The following WWOX variants were observed in gnomAD, a reference collection of about 807,000 sequenced individuals.
The protein encoded by WWOX is WW domain-containing oxidoreductase.
A neutral mutation model predicts 46.2 loss-of-function variants in WWOX; 69 were observed. The observed-to-expected ratio is 1.49, with a 90% confidence interval of 1.23 to 1.82. The LOEUF (loss-of-function observed/expected upper bound fraction) is 1.82. Ranked by LOEUF, WWOX falls within the 40% of genes most tolerant of loss-of-function variation. The pLI is 0.00. For missense variants in WWOX, 919 were observed against 542.6 expected (o/e 1.69, Z -6.89); for synonymous variants, 359 against 202.6 (o/e 1.77, Z -6.56).
chr16:78,890,417 C>G (rs2044564677), intron 8 of WWOX: 1 of 149,012 alleles, frequency 6.7e-6, no homozygotes, highest in African/African-American at 2.6e-5. Context: ...TAATGGACAT[C>G]CCTCCCACCC....
intron 8 of WWOX, among the ~76,000 whole-genome samples, chr16:78,615,035 A>C (rs995635773): frequency 6.6e-6 from 1 of 152,180 alleles, no homozygotes; most frequent in Non-Finnish European, 1.5e-5. Context: ...AGGTAGGGCT[A>C]ATGCATTGTC....
intron 8 of WWOX, among the ~76,000 whole-genome samples, chr16:78,504,265 G>A (rs2085138999): frequency 6.6e-6 from 1 of 152,188 alleles, no homozygotes; most frequent in South Asian, 2.1e-4. Flanking sequence ...AGTCTAGAGG[G>A]TAAAGTATCC....
intron 5 of WWOX, among the ~76,000 whole-genome samples, chr16:78,310,650 T>A (rs924435340): frequency 7.2e-5 from 11 of 152,208 alleles, no homozygotes; most frequent in South Asian, 2.1e-4. Flanking sequence ...GTCAGCACAT[T>A]TGGCATCTCT....
At chr16:78,324,893 C>T (rs987807728) in intron 5 of WWOX, among the ~76,000 whole-genome samples, 1 of 152,104 alleles carries the variant, frequency 6.6e-6, no homozygotes, top group Non-Finnish European at 1.5e-5. Flanking sequence ...TTGAATTATA[C>T]AATTTTAAAT....
chr16:78,524,646 C>A (rs953268196), intron 8 of WWOX, among the ~76,000 whole-genome samples: 1 of 151,742 alleles, frequency 6.6e-6, no homozygotes, highest in Non-Finnish European at 1.5e-5. Context: ...GTCTCAAACT[C>A]CTGACCTCGT....
intron 8 of WWOX, among the ~76,000 whole-genome samples, chr16:79,148,235 T>G (rs1392585670): frequency 6.6e-6 from 1 of 152,216 alleles, no homozygotes; most frequent in Non-Finnish European, 1.5e-5. Flanking sequence ...TGATAAATTT[T>G]GAGTTAATTT....
chr16:79,116,559 G>C (rs933516673), intron 8 of WWOX, among the ~76,000 whole-genome samples: 1 of 152,124 alleles, frequency 6.6e-6, no homozygotes, highest in Admixed American at 6.6e-5. Flanking sequence ...ATCCATTCAA[G>C]TTTTCTCATG....
At chr16:78,859,049 T>TAAAAAAA (rs1491137000) in intron 8 of WWOX, among the ~76,000 whole-genome samples, 1 of 20,270 alleles carries the variant, frequency 4.9e-5, no homozygotes, top group East Asian at 6.9e-4. Context: ...TATATATATA[T>TAAAAAAA]GTATATATAT....
intron 4 of WWOX, among the ~76,000 whole-genome samples, chr16:78,127,249 T>C (rs1051525656): frequency 1.3e-5 from 2 of 152,100 alleles, no homozygotes; most frequent in African/African-American, 4.8e-5. Context: ...AATTGTCTAC[T>C]CATCATTGCA....
At chr16:78,184,130 C>T (rs756742918) in intron 5 of WWOX, among the ~76,000 whole-genome samples, 1 of 152,106 alleles carries the variant, frequency 6.6e-6, no homozygotes, top group Non-Finnish European at 1.5e-5. Flanking sequence ...ATCAGAAGGT[C>T]CTCAGCAGCC....
intron 8 of WWOX, among the ~76,000 whole-genome samples, chr16:78,650,488 G>C (rs1567463949): frequency 6.6e-6 from 1 of 152,136 alleles, no homozygotes; most frequent in Non-Finnish European, 1.5e-5. Flanking sequence ...TGCAATGCTT[G>C]AGATTTGCCC....
intron 8 of WWOX, among the ~76,000 whole-genome samples, chr16:78,818,489 G>A (rs1485182882): frequency 4.6e-5 from 7 of 152,188 alleles, no homozygotes; most frequent in African/African-American, 1.7e-4. Flanking sequence ...CCAGCACTTC[G>A]GGAGGCCACG....
intron 5 of WWOX, among the ~76,000 whole-genome samples, chr16:78,251,245 CA>C (rs2037976691): frequency 6.6e-6 from 1 of 152,122 alleles, no homozygotes; most frequent in Admixed American, 6.5e-5. Flanking sequence ...AGTTTCTGTT[CA>C]AAGGTCGTAT....
chr16:78,678,548 G>C (rs1277129549), intron 8 of WWOX, among the ~76,000 whole-genome samples: 1 of 152,184 alleles, frequency 6.6e-6, no homozygotes, highest in African/African-American at 2.4e-5. Flanking sequence ...CCAGTGCTCA[G>C]GAAGCTGAGT....
chr16:78,488,900 C>A (rs955472096), intron 8 of WWOX, among the ~76,000 whole-genome samples: 6 of 150,870 alleles, frequency 4.0e-5, no homozygotes, highest in African/African-American at 1.5e-4. Flanking sequence ...TCTGTTGTCA[C>A]TATTATTTTG....
chr16:78,435,573 T>G (rs999823575), intron 8 of WWOX, among the ~76,000 whole-genome samples: 1 of 152,118 alleles, frequency 6.6e-6, no homozygotes, highest in African/African-American at 2.4e-5. Context: ...ATCGCAAAAA[T>G]CCCAGGTTTT....
chr16:78,702,742 A>G (rs1215413986), intron 8 of WWOX, among the ~76,000 whole-genome samples: 1 of 152,000 alleles, frequency 6.6e-6, no homozygotes, highest in African/African-American at 2.4e-5. Flanking sequence ...TTGAGAATGG[A>G]AAGATCGCAG....
At chr16:78,485,694 G>A (rs1421722449) in intron 8 of WWOX, among the ~76,000 whole-genome samples, 3 of 152,162 alleles carry the variant, frequency 2.0e-5, no homozygotes, top group Non-Finnish European at 4.4e-5. Context: ...TTCTGATTTG[G>A]GGCAGCACCT....
intron 5 of WWOX, among the ~76,000 whole-genome samples, chr16:78,300,349 T>C (rs1393968769): frequency 6.6e-6 from 1 of 152,044 alleles, no homozygotes; most frequent in African/African-American, 2.4e-5. Flanking sequence ...GAAAGGAAAA[T>C]TCTTGGCTAG....
Sources: allele counts gnomAD v4.1 joint callset (sites outside exome capture counted in the v4.1 genomes callset), GRCh38; gene constraint gnomAD v4.1.1; transcripts MANE v1.5; gene names NCBI Gene and HGNC (gene_info 2026-07-23, HGNC 2026-07-21).